The following IRF2BP1 variants were observed in gnomAD, a reference collection of about 807,000 sequenced individuals.
The protein encoded by IRF2BP1 is interferon regulatory factor 2-binding protein 1.
A neutral mutation model predicts 38.6 loss-of-function variants in IRF2BP1; 9 were observed. That is an observed-to-expected ratio of 0.23 (90% CI 0.14 to 0.41). IRF2BP1 has a LOEUF of 0.41. Among genes scored for constraint, IRF2BP1 ranks in the 10% least tolerant of loss-of-function variants. The pLI is 1.00. For missense variants in IRF2BP1, 631 were observed against 829.6 expected, an observed-to-expected ratio of 0.76 and a Z score of 2.94; for synonymous variants, 416 against 383.4, an observed-to-expected ratio of 1.08 and a Z score of -0.99.
At position 45,885,561 on chromosome 19, in the gene IRF2BP1, G is replaced by T. The variant is rs565507184; in HGVS notation, c.214C>A (p.Leu72Ile). The part of the protein sequence containing the change: ...PEGRSPGPPA[L>I]KHPATKDLAA... ...AGGTCCTTGGTGGCCGGGTGCTTAA[G>T]GGCCGGGGGCCCGGGCGAGCGGCCC... The change falls in exon 1 of 1, where the codon CTT becomes ATT. Residue 72 changes from leucine to isoleucine, a missense_variant. Around this residue, in one of 5 missense-constraint regions of IRF2BP1, gnomAD observed 206 missense variants for 207.0 expected, o/e 1.00. Coordinates refer to ENST00000302165, the MANE Select transcript of IRF2BP1 (RefSeq NM_015649.3). 2 of 1,462,384 alleles carry T rather than the reference G, an allele frequency of 1.4e-6. No homozygotes were observed. Among genetic ancestry groups the T allele is most frequent in the South Asian group, 2.7e-5 (2 of 75,000 alleles). The allele number at this position is 1,462,384 out of a possible 1,614,324, so 90.6% of individuals were successfully genotyped here. A position where few individuals can be genotyped will look rare whatever the true frequency, so the allele number is the denominator to read the frequency against.
chr19:45,885,839 C>T lies in IRF2BP1; in HGVS notation c.-65G>A. The T allele has an allele frequency of 6.9e-7, 1 of 1,441,546 alleles. No individual in the cohort carries two copies. Among genetic ancestry groups the T allele is most frequent in the Admixed American group, 2.7e-5 (1 of 37,196 alleles). 89.3% of individuals were successfully genotyped at this position (1,441,546 alleles called of 1,614,324 possible). A position where few individuals can be genotyped will look rare whatever the true frequency, so the allele number is the denominator to read the frequency against. On this transcript the variant is annotated 5_prime_UTR_variant, in exon 1 of 1. Transcript: ENST00000302165. ...GGCCGCCGACGTGCGATCCGCGCCG[C>T]CAACGTTCGATCCGCGTCCCGGGGA... is the stretch of plus-strand genomic sequence containing the variant.
Position 45,885,034 on chromosome 19 carries a change from C to T in IRF2BP1, c.741G>A (p.Lys247=). Residue 247 remains lysine, a synonymous_variant, in exon 1 of 1, where the codon AAG becomes AAA. Transcript: ENST00000302165. ...SACAPFNVRF[K]KDHGLVGRVF... ...CTCGCCCCACCAGCCCGTGATCCTT[C>T]TTGAAGCGCACATTGAACGGGGCGC... 6.2e-7 allele frequency: 1 copy of T among 1,613,346 alleles called. No homozygotes were observed. The highest frequency in any genetic ancestry group is 8.5e-7 in the Non-Finnish European group (1 of 1,180,046).
chr19:45,885,276 G>A lies in IRF2BP1; in HGVS notation c.499C>T (p.Leu167=). The stretch of plus-strand genomic sequence containing the variant: ...CCCAGGCCAGACACTGCAGCTGCCA[G>A]CAGCCCAGGGGGCATCAAGCCAGGC... ...SMPGLMPPGL[L]AAAVSGLGSR... Residue 167 remains leucine, a synonymous_variant, in exon 1 of 1, where the codon CTG becomes TTG. Transcript: ENST00000302165. 4.4e-6 allele frequency: 7 copies of A among 1,603,116 alleles called. No homozygotes were observed. Among genetic ancestry groups the A allele is most frequent in the Non-Finnish European group, 5.9e-6 (7 of 1,179,904 alleles).
Position 45,884,779 on chromosome 19 carries a change from C to G in IRF2BP1, c.996G>C (p.Glu332Asp). The G allele has an allele frequency of 1.2e-6, 2 of 1,612,440 alleles. No individual in the cohort carries two copies. Among genetic ancestry groups the G allele is most frequent in the Non-Finnish European group, 1.7e-6 (2 of 1,179,958 alleles). Residue 332 changes from glutamate (E) to aspartate (D), a missense_variant, in exon 1 of 1, where the codon GAG (glutamate) becomes GAC (aspartate). Glu to Asp is a conservative substitution (Grantham distance 45). This residue lies in a region of IRF2BP1 where 133 missense variants were observed against 232.2 expected (regional missense o/e 0.57). Coordinates refer to ENST00000302165, the MANE Select transcript of IRF2BP1 (RefSeq NM_015649.3). ...HGSGEWRQLGELLTDGVRSFR... is the reference protein window; with the variant it reads ...HGSGEWRQLGDLLTDGVRSFR... ...AGCTGCGGACGCCGTCGGTAAGCAG[C>G]TCGCCCAGCTGCCGCCATTCTCCTG...
At position 45,884,248 on chromosome 19, in the gene IRF2BP1, C is replaced by T. The variant is rs1239484335; in HGVS notation, c.1527G>A (p.Arg509=). 1.9e-6 allele frequency: 3 copies of T among 1,609,078 alleles called. No homozygotes were observed. Among genetic ancestry groups the T allele is most frequent in the Non-Finnish European group, 2.5e-6 (3 of 1,177,724 alleles). The change falls in exon 1 of 1, where the codon CGG becomes CGA. Residue 509 remains arginine, a synonymous_variant. Coordinates refer to ENST00000302165, the MANE Select transcript of IRF2BP1 (RefSeq NM_015649.3). The part of the protein sequence containing the change: ...APLCCTLCRE[R]LEDTHFVQCP... ...ACTGGACGAAGTGGGTGTCTTCTAG[C>T]CGCTCCCTGCACAGGGTACAGCACA...
At position 45,885,590 on chromosome 19, in the gene IRF2BP1, G is replaced by A. The variant is rs1314171373; in HGVS notation, c.185C>T (p.Pro62Leu). 2 of 1,513,254 alleles carry A rather than the reference G, an allele frequency of 1.3e-6. No homozygotes were observed. Among genetic ancestry groups the A allele is most frequent in the Non-Finnish European group, 1.8e-6 (2 of 1,139,644 alleles). The allele number at this position is 1,513,254 out of a possible 1,614,324, so 93.7% of individuals were successfully genotyped here. The change falls in exon 1 of 1, where the codon CCC becomes CTC. Residue 62 changes from proline (P) to leucine (L), a missense_variant. By Grantham distance (98) the Pro-to-Leu change is moderately conservative. This residue lies in a region of IRF2BP1 where 206 missense variants were observed against 207.0 expected (regional missense o/e 1.00). Transcript: ENST00000302165. ...CGGGGGCCCGGGCGAGCGGCCCTCG[G>A]GGAGCACGTGGCTGCGCTTGAGCTG... ...ARQLKRSHVL[P>L]EGRSPGPPAL...
chr19:45,883,988 G>C lies in IRF2BP1; in HGVS notation c.*32C>G, dbSNP rs1212746000. The C allele has an allele frequency of 6.6e-7, 1 of 1,518,114 alleles. No individual in the cohort carries two copies. The allele number at this position is 1,518,114 out of a possible 1,614,324, so 94.0% of individuals were successfully genotyped here. ...CGCGGCAGCGGTGGGTGGCAAAGGG[G>C]CAGAGGGCAGTAGCCTGGAGGCAGT... On this transcript the variant is annotated 3_prime_UTR_variant, in exon 1 of 1. Transcript: ENST00000302165.
In IRF2BP1 at chr19:45,885,565, CG is replaced by C; in HGVS notation, c.209del (p.Pro70ArgfsTer92). The C allele has an allele frequency of 6.8e-7, 1 of 1,471,014 alleles. No homozygotes were observed. Among genetic ancestry groups the C allele is most frequent in the Non-Finnish European group, 9.0e-7 (1 of 1,116,392 alleles). 91.1% of individuals were successfully genotyped at this position (1,471,014 alleles called of 1,614,324 possible). ...VLPEGRSPGP[P>X]ALKHPATKDL... is the part of the protein sequence containing the mutation. ...CCTTGGTGGCCGGGTGCTTAAGGGC[CG>C]GGGGCCCGGGCGAGCGGCCCTCGGG... On this transcript the variant is annotated frameshift_variant, in exon 1 of 1. Transcript: ENST00000302165. LOFTEE classifies it high-confidence loss of function.
chr19:45,884,928 C>T lies in IRF2BP1; in HGVS notation c.847G>A (p.Gly283Ser), dbSNP rs746964100. ...GCCAGGACGCCGGCGTACACATTGC[C>T]GGAACCACAGGGGTATTCGGTGAAG... Reference protein sequence around the residue: ...KLFTEYPCGSGNVYAGVLAVA... With the variant: ...KLFTEYPCGSSNVYAGVLAVA... The change falls in exon 1 of 1, where the codon GGC becomes AGC. Residue 283 changes from glycine to serine, a missense_variant. Gly to Ser is a moderately conservative substitution (Grantham distance 56). Transcript: ENST00000302165. 4 of 1,613,376 alleles carry T rather than the reference C, an allele frequency of 2.5e-6. No individual in the cohort carries two copies. The highest frequency in any genetic ancestry group is 3.4e-6 in the Non-Finnish European group (4 of 1,180,030).
In IRF2BP1 at chr19:45,885,713, G is replaced by A; in HGVS notation, c.62C>T (p.Pro21Leu). 1 of 1,584,596 alleles carries A rather than the reference G, an allele frequency of 6.3e-7. No homozygotes were observed. Among genetic ancestry groups the A allele is most frequent in the Non-Finnish European group, 8.5e-7 (1 of 1,173,984 alleles). Reference protein sequence around the residue: ...WCYLCDLPKMPWAMVWDFSEA... With the variant: ...WCYLCDLPKMLWAMVWDFSEA... ...GCTGAAGTCCCACACCATGGCCCAC[G>A]GCATCTTGGGCAGGTCGCACAGGTA... Residue 21 changes from proline (P) to leucine (L), a missense_variant, in exon 1 of 1, where the codon CCG becomes CTG. Transcript: ENST00000302165.
chr19:45,885,827 C>T lies in IRF2BP1; in HGVS notation c.-53G>A, dbSNP rs935274859. On this transcript the variant is annotated 5_prime_UTR_variant, in exon 1 of 1. Transcript: ENST00000302165. ...CCGCGTTCCACCGGCCGCCGACGTG[C>T]GATCCGCGCCGCCAACGTTCGATCC... 2 of 1,461,634 alleles carry T rather than the reference C, an allele frequency of 1.4e-6. No homozygotes were observed. The highest frequency in any genetic ancestry group is 1.8e-6 in the Non-Finnish European group (2 of 1,115,574). 90.5% of individuals were successfully genotyped at this position (1,461,634 alleles called of 1,614,324 possible).
Position 45,885,550 on chromosome 19 carries a change from C to G in IRF2BP1, c.225G>C (p.Pro75=), listed in dbSNP as rs1967045071. 6.9e-7 allele frequency: 1 copy of G among 1,442,500 alleles called. No individual in the cohort carries two copies. Among genetic ancestry groups the G allele is most frequent in the Non-Finnish European group, 9.1e-7 (1 of 1,103,822 alleles). 89.4% of individuals were successfully genotyped at this position (1,442,500 alleles called of 1,614,324 possible). ...CTGCCGCCGCCAGGTCCTTGGTGGCCGGGTGCTTAAGGGCCGGGGGCCCGG... is the reference window on the plus strand; with the variant it reads ...CTGCCGCCGCCAGGTCCTTGGTGGCGGGGTGCTTAAGGGCCGGGGGCCCGG... ...RSPGPPALKH[P]ATKDLAAAAA... is the part of the protein sequence containing the mutation. The change falls in exon 1 of 1, where the codon CCG becomes CCC. Residue 75 remains proline, a synonymous_variant. Coordinates refer to ENST00000302165, the MANE Select transcript of IRF2BP1 (RefSeq NM_015649.3).
rs1314266778 is a variant in IRF2BP1, at chr19:45,884,850, C to T, written c.925G>A (p.Ala309Thr). 6.2e-7 allele frequency: 1 copy of T among 1,613,038 alleles called. No homozygotes were observed. The highest frequency in any genetic ancestry group is 8.5e-7 in the Non-Finnish European group (1 of 1,180,040). ...DALREPGKAL[A>T]SSGFKYLEYE... ...TCGAGGTACTTGAAGCCCGAAGAAG[C>T]CAGTGCCTTGCCCGGCTCCCGCAGA... The change falls in exon 1 of 1, where the codon GCT becomes ACT. Residue 309 changes from alanine to threonine, a missense_variant. Physicochemically the swap from Ala to Thr is moderately conservative, Grantham distance 58. This residue lies in a region of IRF2BP1 where 133 missense variants were observed against 232.2 expected (regional missense o/e 0.57). Coordinates refer to ENST00000302165, the MANE Select transcript of IRF2BP1 (RefSeq NM_015649.3).
rs1243275085 is a variant in IRF2BP1, at chr19:45,883,966, G to A, written c.*54C>T. On this transcript the variant is annotated 3_prime_UTR_variant, in exon 1 of 1. Coordinates refer to ENST00000302165, the MANE Select transcript of IRF2BP1 (RefSeq NM_015649.3). ...GTCGGGGAGGGAATAATTTATCCGC[G>A]GCAGCGGTGGGTGGCAAAGGGGCAG... The A allele has an allele frequency of 6.8e-7, 1 of 1,463,466 alleles. No individual in the cohort carries two copies. 90.7% of individuals were successfully genotyped at this position (1,463,466 alleles called of 1,614,324 possible).
Position 45,883,937 on chromosome 19 carries a change from C to A in IRF2BP1, c.*83G>T. The A allele has an allele frequency of 7.5e-7, 1 of 1,331,666 alleles. No individual in the cohort carries two copies. The highest frequency in any genetic ancestry group is 2.7e-5 in the Admixed American group (1 of 36,658). The allele number at this position is 1,331,666 out of a possible 1,614,324, so 82.5% of individuals were successfully genotyped here. On this transcript the variant is annotated 3_prime_UTR_variant, in exon 1 of 1. Coordinates refer to ENST00000302165, the MANE Select transcript of IRF2BP1 (RefSeq NM_015649.3). ...GTACACAGATAGAGGTGGCACTGGG[C>A]TGGGTCGGGGAGGGAATAATTTATC...
chr19:45,884,582 T>C lies in IRF2BP1; in HGVS notation c.1193A>G (p.Glu398Gly). 1 of 1,599,288 alleles carries C rather than the reference T, an allele frequency of 6.3e-7. No homozygotes were observed. The highest frequency in any genetic ancestry group is 8.5e-7 in the Non-Finnish European group (1 of 1,179,346). ...EGEAAGKMTT[E>G]EQQQRHWVAP... ...CACCCAGTGCCGTTGCTGCTGCTCC[T>C]CGGTGGTCATCTTCCCAGCCGCCTC... Residue 398 changes from glutamate (E) to glycine (G), a missense_variant, in exon 1 of 1, where the codon GAG (glutamate) becomes GGG (glycine). By Grantham distance (98) the Glu-to-Gly change is moderately conservative. Around this residue, in one of 5 missense-constraint regions of IRF2BP1, gnomAD observed 201 missense variants for 215.3 expected, o/e 0.93. Coordinates refer to ENST00000302165, the MANE Select transcript of IRF2BP1 (RefSeq NM_015649.3).
rs932938326 is a variant in IRF2BP1 at position 45,885,529 on chromosome 19, C to G, written c.246G>C (p.Ala82=). ...GCAGCTGGGGCCCCTGTGCGGCTGC[C>G]GCCGCCAGGTCCTTGGTGGCCGGGT... The part of the protein sequence containing the change: ...LKHPATKDLA[A]AAAQGPQLPP... Residue 82 remains alanine, a synonymous_variant, in exon 1 of 1, where the codon GCG becomes GCC. Coordinates refer to ENST00000302165, the MANE Select transcript of IRF2BP1 (RefSeq NM_015649.3). The G allele has an allele frequency of 3.5e-6, 5 of 1,416,778 alleles. No individual in the cohort carries two copies. Among genetic ancestry groups the G allele is most frequent in the Admixed American group, 3.2e-5 (1 of 31,570 alleles). 87.8% of individuals were successfully genotyped at this position (1,416,778 alleles called of 1,614,324 possible).
In IRF2BP1 at chr19:45,885,978, G is replaced by A. The variant is rs952238487; in HGVS notation, c.-204C>T. The A allele has an allele frequency of 1.6e-4, 90 of 562,046 alleles. No homozygotes were observed. The highest frequency in any genetic ancestry group is 1.4e-3 in the African/African-American group (71 of 49,986). 34.8% of individuals were successfully genotyped at this position (562,046 alleles called of 1,614,324 possible). A position where few individuals can be genotyped will look rare whatever the true frequency, so the allele number is the denominator to read the frequency against. ...TTCTGCTCACTCCCGCCTCCCTCGCGAAGGCAGGCTGAGGCACGTCGGCGC... is the reference window on the plus strand; with the variant it reads ...TTCTGCTCACTCCCGCCTCCCTCGCAAAGGCAGGCTGAGGCACGTCGGCGC... On this transcript the variant is annotated 5_prime_UTR_variant, in exon 1 of 1. Coordinates refer to ENST00000302165, the MANE Select transcript of IRF2BP1 (RefSeq NM_015649.3).
In IRF2BP1 at chr19:45,885,651, C is replaced by T; in HGVS notation, c.124G>A (p.Ala42Thr). ...VCRGCVNFEG[A>T]DRIELLIDAA... Reference sequence around the variant, plus strand: ...TCGATGAGCAGTTCGATGCGGTCCGCGCCCTCGAAGTTCACGCAGCCGCGA... The same window carrying T: ...TCGATGAGCAGTTCGATGCGGTCCGTGCCCTCGAAGTTCACGCAGCCGCGA... The change falls in exon 1 of 1, where the codon GCG (alanine) becomes ACG (threonine). Residue 42 changes from alanine to threonine, a missense_variant. This residue lies in a region of IRF2BP1 where 33 missense variants were observed against 66.8 expected (regional missense o/e 0.49). Transcript: ENST00000302165. 1.3e-6 allele frequency: 2 copies of T among 1,577,060 alleles called. No homozygotes were observed. The highest frequency in any genetic ancestry group is 1.4e-5 in the African/African-American group (1 of 72,212).
Sources: allele counts gnomAD v4.1 joint callset, GRCh38; gene constraint gnomAD v4.1.1; regional missense constraint gnomAD v4.1.1; transcripts MANE v1.5; gene names NCBI Gene and HGNC (gene_info 2026-07-23, HGNC 2026-07-21).